The following TENM1 variants were observed in gnomAD, a reference collection of about 807,000 sequenced individuals.
The protein encoded by TENM1 is teneurin transmembrane protein 1.
Under a neutral mutation model 174.8 loss-of-function variants are expected in TENM1, and 35 were observed. The observed-to-expected ratio is 0.20, with a 90% CI of 0.15 to 0.27. The LOEUF (loss-of-function observed/expected upper bound fraction) is 0.27. TENM1 is among the 10% of genes least tolerant of loss of function. The pLI is 1.00. For missense variants in TENM1, 1,633 were observed against 2,130.1 expected (o/e 0.77, Z 4.59); for synonymous variants, 781 against 798.7 (o/e 0.98, Z 0.37).
the TENM1 span, among the ~76,000 whole-genome samples, chrX:125,115,549 T>C: frequency 1.8e-5 from 2 of 111,624 alleles, no homozygotes; most frequent in Admixed American, 1.9e-4. Context: ...AGTCTCAGGA[T>C]ACAAAATCAA....
At chrX:124,658,909 A>G (rs2051520112) in intron 6 of TENM1, among the ~76,000 whole-genome samples, 1 of 112,113 alleles carries the variant, frequency 8.9e-6, no homozygotes, top group Admixed American at 9.5e-5. Context: ...CATTTAAAAG[A>G]CACAATTCTC....
the TENM1 span, among the ~76,000 whole-genome samples, chrX:125,019,137 C>A: frequency 9.0e-6 from 1 of 111,385 alleles, no homozygotes; most frequent in Admixed American, 9.6e-5. Flanking sequence ...TCCAGGCTAG[C>A]ACAGGTGAGC....
chrX:124,666,093 A>G (rs5958552), intron 6 of TENM1, among the ~76,000 whole-genome samples: 14,659 of 111,331 alleles, frequency 0.13, 2,064 homozygotes, highest in African/African-American at 0.42. Flanking sequence ...TTACATGGTC[A>G]TATATTCAGC....
intron 5 of TENM1, among the ~76,000 whole-genome samples, chrX:124,703,286 C>G (rs945780685): frequency 9.0e-6 from 1 of 111,446 alleles, no homozygotes; most frequent in Non-Finnish European, 1.9e-5. Context: ...TACTTCCATG[C>G]CAAATTGATA....
At chrX:124,607,319 G>A (rs1569340090) in intron 11 of TENM1, among the ~76,000 whole-genome samples, 1 of 110,554 alleles carries the variant, frequency 9.0e-6, no homozygotes, top group Admixed American at 9.7e-5. Context: ...AGGGTGAGAG[G>A]GATGCAGAGT....
chrX:125,042,092 A>G, the TENM1 span, among the ~76,000 whole-genome samples: 1 of 111,971 alleles, frequency 8.9e-6, no homozygotes, highest in Non-Finnish European at 1.9e-5. Context: ...TACTTCAATT[A>G]ATGGCACTTT....
rs189691342 is a variant in TENM1, at chrX:124,912,364, G to T, written c.218-16123C>A. On this transcript the variant is annotated intron_variant, in intron 1 of 31. Transcript: ENST00000422452. Reference sequence around the variant, plus strand: ...TATGCCACATTTGTCCCTGTTCTGTGTGTTCACTTTTCTTCCCAAAATATT... The same window carrying T: ...TATGCCACATTTGTCCCTGTTCTGTTTGTTCACTTTTCTTCCCAAAATATT... 5.4e-5 allele frequency among the ~76,000 whole-genome samples: 6 copies of T among 111,572 alleles called. No individual in the cohort carries two copies. In the East Asian group the frequency reaches 1.7e-3, roughly 32 times the overall value.
intron 6 of TENM1, among the ~76,000 whole-genome samples, chrX:124,664,498 G>A (rs1386464517): frequency 1.2e-5 from 1 of 80,871 alleles, no homozygotes; most frequent in Non-Finnish European, 2.2e-5. Context: ...TGTATAAAAT[G>A]TTCCAAGGCA....
chrX:125,031,163 CTGAGT>C, the TENM1 span, among the ~76,000 whole-genome samples: 2 of 110,194 alleles, frequency 1.8e-5, no homozygotes, highest in African/African-American at 6.6e-5. Context: ...CTTTATGTCC[CTGAGT>C]ATCTGATGTT....
chrX:124,876,122 A>G (rs1354433629), intron 3 of TENM1, among the ~76,000 whole-genome samples: 1 of 110,741 alleles, frequency 9.0e-6, no homozygotes, highest in African/African-American at 3.3e-5. Context: ...ATTGTGCCTT[A>G]GTTTTCTCAT....
At chrX:124,862,599 C>G (rs968854967) in intron 3 of TENM1, among the ~76,000 whole-genome samples, 3 of 111,407 alleles carry the variant, frequency 2.7e-5, no homozygotes, top group Non-Finnish European at 3.8e-5. Flanking sequence ...GAGGGAATCA[C>G]TGATCTCAGA....
chrX:124,577,929 AT>A (rs1176852671), intron 11 of TENM1, among the ~76,000 whole-genome samples: 1,425 of 98,808 alleles, frequency 0.014, 26 homozygotes, highest in African/African-American at 0.042. Flanking sequence ...TGATTTCACT[AT>A]TTTTTTTTTT....
the TENM1 span, among the ~76,000 whole-genome samples, chrX:125,062,925 TTATAA>T: frequency 1.8e-5 from 2 of 112,266 alleles, no homozygotes; most frequent in African/African-American, 6.5e-5. Flanking sequence ...GCAAAGTATC[TTATAA>T]TATGCTATTG....
chrX:124,696,409 A>G (rs1411382676), intron 5 of TENM1, among the ~76,000 whole-genome samples: 1 of 111,730 alleles, frequency 9.0e-6, no homozygotes, highest in Non-Finnish European at 1.9e-5. Flanking sequence ...TTAGGGTTCA[A>G]TAGGTTTCTA....
At chrX:124,424,466 T>A (rs745585934) in intron 23 of TENM1, among the ~76,000 whole-genome samples, 69 of 112,303 alleles carry the variant, frequency 6.1e-4, no homozygotes, top group Non-Finnish European at 1.1e-3. Context: ...TTAAGCAACC[T>A]CTGGCTATCC....
At chrX:125,204,220 G>C in the TENM1 span, 2 of 112,425 alleles carry the variant, frequency 1.8e-5, no homozygotes, top group African/African-American at 3.2e-5. Flanking sequence ...GTGAACTCCG[G>C]GCTGAGCCGA....
chrX:124,651,417 G>GCCC (rs2051306922), intron 8 of TENM1, among the ~76,000 whole-genome samples: 1 of 111,827 alleles, frequency 8.9e-6, no homozygotes, highest in African/African-American at 3.3e-5. Flanking sequence ...AATGTCTCAA[G>GCCC]TTATTATCCT....
At chrX:124,463,836 G>GT in intron 22 of TENM1, among the ~76,000 whole-genome samples, 1 of 90,944 alleles carries the variant, frequency 1.1e-5, no homozygotes, top group Non-Finnish European at 2.2e-5. Context: ...TAGAGGTTGG[G>GT]GTGTGTGTGT....
At chrX:125,063,212 C>G in the TENM1 span, among the ~76,000 whole-genome samples, 3 of 111,956 alleles carry the variant, frequency 2.7e-5, no homozygotes, top group African/African-American at 9.7e-5. Context: ...ATTTCAGAGA[C>G]AGATACAAAG....
Sources: allele counts gnomAD v4.1 joint callset (sites outside exome capture counted in the v4.1 genomes callset), GRCh38; gene constraint gnomAD v4.1.1; transcripts MANE v1.5; gene names NCBI Gene and HGNC (gene_info 2026-07-23, HGNC 2026-07-21).